Variants in COMMD1 observed in about 807,000 individuals in gnomAD.
COMMD1 encodes COMM domain-containing protein 1.
In COMMD1, 10 loss-of-function variants were observed where a neutral mutation model predicts 17.2. That is an observed-to-expected ratio of 0.58 (90% CI 0.36 to 0.99). The LOEUF (loss-of-function observed/expected upper bound fraction) is 0.99, where lower values mean the gene tolerates loss of function less well. Among genes scored for constraint, COMMD1 ranks in the 50% least tolerant of loss-of-function variants. COMMD1 has a pLI of 0.01. For missense variants in COMMD1, 270 were observed against 231.8 expected, an observed-to-expected ratio of 1.17 and a Z score of -1.07; for synonymous variants, 97 against 91.6, an observed-to-expected ratio of 1.06 and a Z score of -0.34.
At chr2:62,019,854 C>T (rs772370173) in intron 2 of COMMD1, among the ~76,000 whole-genome samples, 2 of 152,160 alleles carry the variant, frequency 1.3e-5, no homozygotes, top group South Asian at 2.1e-4. Flanking sequence ...CACTCCAGCC[C>T]GCACTCAAGA....
intron 2 of COMMD1, among the ~76,000 whole-genome samples, chr2:62,074,581 CAG>C (rs1466465888): frequency 6.6e-6 from 1 of 152,240 alleles, no homozygotes; most frequent in Non-Finnish European, 1.5e-5. Context: ...GGAGGCTAAA[CAG>C]TATGCAGGGT....
chr2:61,919,794 A>G (rs1234457277), intron 1 of COMMD1, among the ~76,000 whole-genome samples: 1 of 152,096 alleles, frequency 6.6e-6, no homozygotes. Context: ...TACCTCTACT[A>G]TTGTCTCGTC....
intron 2 of COMMD1, chr2:62,079,847 C>T (rs904894163): frequency 6.6e-6 from 1 of 152,076 alleles, no homozygotes; most frequent in African/African-American, 2.4e-5. Flanking sequence ...ATGGATTGAA[C>T]TGGAAATTCA....
At chr2:61,908,279 T>G (rs911326660) in intron 1 of COMMD1, among the ~76,000 whole-genome samples, 2 of 148,908 alleles carry the variant, frequency 1.3e-5, no homozygotes, top group Non-Finnish European at 3.0e-5. Context: ...CAGACTGGAG[T>G]GCAGTGGCGC....
intron 2 of COMMD1, among the ~76,000 whole-genome samples, chr2:62,051,413 A>G (rs375385299): frequency 6.6e-6 from 1 of 152,198 alleles, no homozygotes; most frequent in African/African-American, 2.4e-5. Context: ...AGTTGTAAGA[A>G]ATGTTATTGC....
At chr2:61,964,113 T>C (rs761372874) in intron 1 of COMMD1, among the ~76,000 whole-genome samples, 5 of 152,262 alleles carry the variant, frequency 3.3e-5, no homozygotes, top group Non-Finnish European at 5.9e-5. Flanking sequence ...TCTCTGGAGT[T>C]ATCCAGTGGG....
chr2:62,020,392 C>T (rs368959058), intron 2 of COMMD1, among the ~76,000 whole-genome samples: 155 of 152,306 alleles, frequency 1.0e-3, no homozygotes, highest in South Asian at 5.4e-3. Context: ...TTTCCACACT[C>T]TGAGTTTTCT....
intron 1 of COMMD1, among the ~76,000 whole-genome samples, chr2:61,910,845 A>T (rs887304029): frequency 6.7e-6 from 1 of 149,862 alleles, no homozygotes; most frequent in African/African-American, 2.5e-5. Context: ...GCACTTTGGG[A>T]GGCCGGGTCA....
chr2:62,119,812 A>G (rs1287378864), intron 2 of COMMD1, among the ~76,000 whole-genome samples: 1 of 152,076 alleles, frequency 6.6e-6, no homozygotes, highest in Non-Finnish European at 1.5e-5. Flanking sequence ...TTTCAAATTC[A>G]TTGCTGATGC....
At chr2:61,995,258 G>A (rs1043523538) in intron 1 of COMMD1, among the ~76,000 whole-genome samples, 3 of 152,106 alleles carry the variant, frequency 2.0e-5, no homozygotes, top group South Asian at 4.1e-4. Flanking sequence ...CAGATTCAGC[G>A]TTCTAAACCA....
intron 2 of COMMD1, among the ~76,000 whole-genome samples, chr2:62,124,131 C>G (rs1672826752): frequency 6.6e-6 from 1 of 152,080 alleles, no homozygotes; most frequent in African/African-American, 2.4e-5. Context: ...AACCCTGTCT[C>G]TATTAAAAAT....
At chr2:61,935,249 C>T (rs1418803283) in intron 1 of COMMD1, among the ~76,000 whole-genome samples, 1 of 152,172 alleles carries the variant, frequency 6.6e-6, no homozygotes, top group Non-Finnish European at 1.5e-5. Context: ...ATCCAATTTA[C>T]AGAGTAGTGA....
chr2:61,949,794 G>A (rs749844000), intron 1 of COMMD1, among the ~76,000 whole-genome samples: 9 of 152,312 alleles, frequency 5.9e-5, no homozygotes, highest in East Asian at 1.9e-4. Context: ...AAGAGATGAC[G>A]CAGGCCCTTA....
intron 2 of COMMD1, among the ~76,000 whole-genome samples, chr2:62,125,013 C>T (rs13017737): frequency 0.086 from 13,145 of 152,192 alleles, 735 homozygotes; most frequent in Non-Finnish European, 0.12. Context: ...TATGGGAATG[C>T]AGGCTTTTTA....
intron 1 of COMMD1, among the ~76,000 whole-genome samples, chr2:61,920,487 G>A (rs114133747): frequency 0.012 from 1,838 of 151,706 alleles, 42 homozygotes; most frequent in African/African-American, 0.043. Flanking sequence ...GGCCAAAAGT[G>A]TTCCTCTAAA....
chr2:61,918,311 A>C (rs1181713981), intron 1 of COMMD1, among the ~76,000 whole-genome samples: 1 of 152,214 alleles, frequency 6.6e-6, no homozygotes, highest in Non-Finnish European at 1.5e-5. Context: ...ATTTCACTGA[A>C]CATTTTTGAG....
At chr2:62,038,505 T>A (rs1335585052) in intron 2 of COMMD1, among the ~76,000 whole-genome samples, 1 of 152,176 alleles carries the variant, frequency 6.6e-6, no homozygotes, top group African/African-American at 2.4e-5. Context: ...GTTTCTTTTT[T>A]AAATGTTTTA....
chr2:61,976,511 T>C (rs1671806875), intron 1 of COMMD1, among the ~76,000 whole-genome samples: 1 of 152,126 alleles, frequency 6.6e-6, no homozygotes, highest in Non-Finnish European at 1.5e-5. Flanking sequence ...TCAAAATATC[T>C]GAGGAAAAAA....
intron 1 of COMMD1, among the ~76,000 whole-genome samples, chr2:61,957,912 T>C (rs933173427): frequency 5.9e-5 from 9 of 151,694 alleles, no homozygotes; most frequent in African/African-American, 2.4e-5. Flanking sequence ...AAAAAAATGT[T>C]TCTTGAGTGC....
Sources: allele counts gnomAD v4.1 joint callset (sites outside exome capture counted in the v4.1 genomes callset), GRCh38; gene constraint gnomAD v4.1.1; transcripts MANE v1.5; gene names NCBI Gene and HGNC (gene_info 2026-07-23, HGNC 2026-07-21).